Variants in PRKAG2 observed in about 807,000 individuals in gnomAD.
PRKAG2 encodes the protein protein kinase AMP-activated non-catalytic subunit gamma 2.
Under a neutral mutation model 69.6 loss-of-function variants are expected in PRKAG2, and 26 were observed. The observed-to-expected ratio is 0.37, with a 90% CI of 0.27 to 0.52. The LOEUF is 0.52. Among genes scored for constraint, PRKAG2 ranks in the 20% least tolerant of loss-of-function variants. The pLI is 0.90. For synonymous variants in PRKAG2, 293 were observed against 285.0 expected (o/e 1.03, Z -0.28); for missense variants, 557 against 740.0 (o/e 0.75, Z 2.87).
At chr7:151,857,585 C>G (rs577839977) in intron 1 of PRKAG2, among the ~76,000 whole-genome samples, 130 of 152,288 alleles carry the variant, frequency 8.5e-4, no homozygotes, top group African/African-American at 2.6e-3. Flanking sequence ...GGCTTGATGC[C>G]CGGCTGTGCC....
intron 3 of PRKAG2, among the ~76,000 whole-genome samples, chr7:151,702,442 C>A (rs536784968): frequency 1.3e-5 from 2 of 152,296 alleles, no homozygotes; most frequent in Admixed American, 6.5e-5. Flanking sequence ...CAGGTCCACA[C>A]TGATCCTGAG....
chr7:151,637,712 T>TTA (rs1554511255), intron 4 of PRKAG2, among the ~76,000 whole-genome samples: 1 of 151,960 alleles, frequency 6.6e-6, no homozygotes, highest in African/African-American at 2.4e-5. Context: ...ATGAGGTTTT[T>TTA]TTTTTTTTTT....
intron 4 of PRKAG2, among the ~76,000 whole-genome samples, chr7:151,639,999 A>G (rs1826413447): frequency 6.6e-6 from 1 of 152,154 alleles, no homozygotes; most frequent in South Asian, 2.1e-4. Flanking sequence ...ACCCTGACTG[A>G]TAAGAGTGAC....
intron 3 of PRKAG2, among the ~76,000 whole-genome samples, chr7:151,733,692 G>A (rs988061935): frequency 2.0e-5 from 3 of 148,686 alleles, no homozygotes; most frequent in Non-Finnish European, 2.9e-5. Flanking sequence ...TCCTATTCCC[G>A]TGCACAGTCA....
At chr7:151,703,412 G>A (rs10235949) in intron 3 of PRKAG2, among the ~76,000 whole-genome samples, 17,234 of 152,210 alleles carry the variant, frequency 0.11, 1,673 homozygotes, top group African/African-American at 0.25. Flanking sequence ...CGCTGTGGCC[G>A]GAGCACTGGA....
intron 1 of PRKAG2, among the ~76,000 whole-genome samples, chr7:151,854,556 C>T (rs1378134320): frequency 2.6e-5 from 4 of 152,244 alleles, no homozygotes; most frequent in East Asian, 3.9e-4. Context: ...GGCCAGGCAG[C>T]GGGAATCCAG....
intron 1 of PRKAG2, among the ~76,000 whole-genome samples, chr7:151,875,947 G>A (rs1376774960): frequency 6.6e-6 from 1 of 151,978 alleles, no homozygotes; most frequent in Admixed American, 6.5e-5. Flanking sequence ...GGCGGCAGAG[G>A]AGACCCCCGC....
chr7:151,607,206 A>G (rs1020441127), intron 5 of PRKAG2, among the ~76,000 whole-genome samples: 2 of 152,268 alleles, frequency 1.3e-5, no homozygotes, highest in Non-Finnish European at 2.9e-5. Flanking sequence ...GCAAGCAATT[A>G]TAAACACTAA....
intron 1 of PRKAG2, among the ~76,000 whole-genome samples, chr7:151,840,684 AC>A (rs1041086011): frequency 1.3e-5 from 2 of 150,544 alleles, no homozygotes; most frequent in South Asian, 2.1e-4. Context: ...TGAAACATGA[AC>A]CCCCCGGACC....
At position 151,572,718 on chromosome 7, in the gene PRKAG2, A is replaced by G. The variant is rs1807871828; in HGVS notation, c.1006-9T>C. On this transcript the variant is annotated splice_polypyrimidine_tract_variant and intron_variant, in intron 8 of 15. Transcript: ENST00000287878. ...AATTCATAAATCTGTACCTGCAAAT[A>G]AAAAAATTCTTATTTATAAATATAC... 1 of 1,535,458 alleles carries G rather than the reference A, an allele frequency of 6.5e-7. No individual in the cohort carries two copies. The highest frequency in any genetic ancestry group is 9.0e-7 in the Non-Finnish European group (1 of 1,115,854).
intron 1 of PRKAG2, among the ~76,000 whole-genome samples, chr7:151,799,396 G>T (rs1243277320): frequency 6.6e-6 from 1 of 152,170 alleles, no homozygotes; most frequent in Non-Finnish European, 1.5e-5. Context: ...GATTGCAACG[G>T]GCTGGCCATC....
chr7:151,721,058 A>G (rs1192677870), intron 3 of PRKAG2, among the ~76,000 whole-genome samples: 1 of 106,784 alleles, frequency 9.4e-6, no homozygotes, highest in African/African-American at 3.6e-5. Flanking sequence ...GTGGAGGGGC[A>G]TGAAGGGGGC....
At chr7:151,726,474 T>C (rs1797994021) in intron 3 of PRKAG2, among the ~76,000 whole-genome samples, 1 of 151,822 alleles carries the variant, frequency 6.6e-6, no homozygotes, top group African/African-American at 2.4e-5. Flanking sequence ...GTAATCTTAG[T>C]ACGAGTCCAA....
intron 3 of PRKAG2, among the ~76,000 whole-genome samples, chr7:151,707,656 C>T: frequency 6.6e-6 from 1 of 152,188 alleles, no homozygotes. Context: ...ATGTCACCAC[C>T]TCATCTCCAG....
chr7:151,748,591 A>G (rs2074450461), intron 3 of PRKAG2, among the ~76,000 whole-genome samples: 1 of 152,196 alleles, frequency 6.6e-6, no homozygotes, highest in African/African-American at 2.4e-5. Flanking sequence ...GCTTTTCAAT[A>G]TAAATTGTTT....
chr7:151,757,080 G>A (rs531864921), intron 3 of PRKAG2, among the ~76,000 whole-genome samples: 14 of 152,178 alleles, frequency 9.2e-5, no homozygotes, highest in African/African-American at 3.1e-4. Context: ...ATGCTCACTC[G>A]CTGAACCACT....
intron 1 of PRKAG2, among the ~76,000 whole-genome samples, chr7:151,849,547 A>C (rs954037674): frequency 3.9e-5 from 6 of 152,188 alleles, no homozygotes; most frequent in Admixed American, 3.9e-4. Context: ...TCTTAGAACA[A>C]CAGAAACGGA....
In PRKAG2 at chr7:151,568,749, G is replaced by A. The variant is rs779897567; in HGVS notation, c.1200C>T (p.Thr400=). Residue 400 remains threonine, a synonymous_variant, in exon 11 of 16, where the codon ACC becomes ACT. Transcript: ENST00000287878. ...GGAGGAACTTGAGGATTCTTTTGTG[G>A]GTAAGTATATAAAGTGCATTCCCAC... ...PISGNALYIL[T]HKRILKFLQL... 1.2e-6 allele frequency: 2 copies of A among 1,613,902 alleles called. No homozygotes were observed. The highest frequency in any genetic ancestry group is 1.7e-6 in the Non-Finnish European group (2 of 1,179,848).
chr7:151,683,699 G>A (rs1445496397), intron 3 of PRKAG2, among the ~76,000 whole-genome samples: 1 of 152,156 alleles, frequency 6.6e-6, no homozygotes, highest in Non-Finnish European at 1.5e-5. Context: ...GGCGAGCGCC[G>A]TGAGGGGGAA....
Sources: gnomAD v4.1 joint callset for allele counts (sites outside exome capture counted in the v4.1 genomes callset) on GRCh38, gnomAD v4.1.1 for gene constraint, MANE v1.5 for transcripts, NCBI Gene and HGNC (gene_info 2026-07-23, HGNC 2026-07-21) for gene names.